The following NKAIN2 variants were observed in gnomAD, a reference collection of about 807,000 sequenced individuals.
The protein encoded by NKAIN2 is sodium/potassium-transporting ATPase subunit beta-1-interacting protein 2.
In NKAIN2, 14 loss-of-function variants were observed where a neutral mutation model predicts 32.6. That is an observed-to-expected ratio of 0.43 (90% CI 0.28 to 0.67). The LOEUF is 0.67. Ranked by LOEUF, NKAIN2 falls within the 30% of genes least tolerant of loss-of-function variation. The probability of loss-of-function intolerance (pLI) is 0.17; values close to 1 mark genes in which losing one functional copy is unlikely to be tolerated. For synonymous variants in NKAIN2, 80 were observed against 87.2 expected (o/e 0.92, Z 0.46); for missense variants, 198 against 258.3 (o/e 0.77, Z 1.60).
chr6:123,883,679 T>A (rs1453848376), intron 1 of NKAIN2, among the ~76,000 whole-genome samples: 4 of 143,564 alleles, frequency 2.8e-5, no homozygotes, highest in Admixed American at 6.9e-5. Context: ...AAAACCTCTT[T>A]AAAAAAAAAA....
chr6:124,295,831 A>G (rs1796024102), intron 2 of NKAIN2, among the ~76,000 whole-genome samples: 1 of 152,244 alleles, frequency 6.6e-6, no homozygotes, highest in Non-Finnish European at 1.5e-5. Flanking sequence ...CTTTTAACCA[A>G]CTCAACTTCC....
At chr6:124,320,953 C>T (rs1044421888) in intron 2 of NKAIN2, among the ~76,000 whole-genome samples, 3 of 152,098 alleles carry the variant, frequency 2.0e-5, no homozygotes, top group African/African-American at 4.8e-5. Flanking sequence ...GTAATTATCC[C>T]GGTGTGTCTC....
intron 3 of NKAIN2, among the ~76,000 whole-genome samples, chr6:124,578,944 G>A (rs1006496418): frequency 3.3e-5 from 5 of 152,180 alleles, no homozygotes; most frequent in Admixed American, 2.0e-4. Flanking sequence ...AAGAGTCTGT[G>A]CCTGGTATTC....
At chr6:124,139,129 C>A (rs1027305767) in intron 1 of NKAIN2, among the ~76,000 whole-genome samples, 5 of 135,082 alleles carry the variant, frequency 3.7e-5, no homozygotes, top group Admixed American at 1.6e-4. Context: ...TCGCCCAGGC[C>A]GGACTGCGGA....
intron 4 of NKAIN2, among the ~76,000 whole-genome samples, chr6:124,683,125 G>A (rs1397623086): frequency 6.6e-6 from 1 of 152,124 alleles, no homozygotes; most frequent in Non-Finnish European, 1.5e-5. Flanking sequence ...GTAAATACTT[G>A]ACAGGTGAAT....
rs982377493 is a variant in NKAIN2 at position 124,709,536 on chromosome 6, A to G, written c.474+51150A>G. ...TTCAGCTCCTGTTATTGGTCTATTCAGAGATTCAACTTCTTCCTGGTTTAG... is the reference window on the plus strand; with the variant it reads ...TTCAGCTCCTGTTATTGGTCTATTCGGAGATTCAACTTCTTCCTGGTTTAG... On this transcript the variant is annotated intron_variant, in intron 4 of 6. Transcript: ENST00000368417. Among the ~76,000 whole-genome samples, 6 of 151,100 alleles carry G rather than the reference A, an allele frequency of 4.0e-5. No individual in the cohort carries two copies. In the East Asian group the frequency reaches 9.7e-4, roughly 24 times the overall value.
chr6:123,874,968 CT>C (rs961990802), intron 1 of NKAIN2, among the ~76,000 whole-genome samples: 106 of 151,924 alleles, frequency 7.0e-4, no homozygotes, highest in African/African-American at 2.5e-3. Flanking sequence ...ATATTTTAAA[CT>C]ATATAGAGAT....
chr6:124,690,616 CT>C (rs1774209803), intron 4 of NKAIN2, among the ~76,000 whole-genome samples: 1 of 151,994 alleles, frequency 6.6e-6, no homozygotes, highest in Admixed American at 6.6e-5. Context: ...AGTTTAATGC[CT>C]CAGGATTTTT....
chr6:124,312,872 T>TA, intron 2 of NKAIN2, among the ~76,000 whole-genome samples: 1 of 152,228 alleles, frequency 6.6e-6, no homozygotes, highest in South Asian at 2.1e-4. Flanking sequence ...TCAGAAAAGT[T>TA]AAGTCAGAGA....
In NKAIN2 at chr6:124,092,221, G is replaced by T. The variant is rs747740402; in HGVS notation, c.55-190784G>T. Among the ~76,000 whole-genome samples, 24 of 151,994 alleles carry T rather than the reference G, an allele frequency of 1.6e-4. 1 individual carries two copies. Among genetic ancestry groups the T allele is most frequent in the Middle Eastern group, 3.4e-3 (1 of 294 alleles). ...TGAGAAAATATTTCGGCGTTTTTTT[G>T]TCAGGGGTTGAAGTGGCATTTAAAA... On this transcript the variant is annotated intron_variant, in intron 1 of 6. Transcript: ENST00000368417.
chr6:124,398,703 GTACGGTGT>G (rs1428724810), intron 3 of NKAIN2, among the ~76,000 whole-genome samples: 2 of 152,288 alleles, frequency 1.3e-5, no homozygotes, highest in East Asian at 3.9e-4. Flanking sequence ...CCTAAGGTGA[GTACGGTGT>G]TACAATTGGT....
intron 1 of NKAIN2, among the ~76,000 whole-genome samples, chr6:123,932,608 G>A (rs979787374): frequency 6.6e-5 from 10 of 151,518 alleles, no homozygotes; most frequent in Non-Finnish European, 1.5e-4. Flanking sequence ...TAGTAGAGAC[G>A]GGGTTTCACC....
chr6:124,038,515 T>C (rs2114803613), intron 1 of NKAIN2, among the ~76,000 whole-genome samples: 1 of 152,238 alleles, frequency 6.6e-6, no homozygotes, highest in South Asian at 2.1e-4. Context: ...GTCCGGCCTA[T>C]GTGAAAAGTT....
intron 1 of NKAIN2, among the ~76,000 whole-genome samples, chr6:124,038,220 C>T (rs1235141494): frequency 6.6e-6 from 1 of 151,926 alleles, no homozygotes; most frequent in Non-Finnish European, 1.5e-5. Flanking sequence ...GTGATATGGT[C>T]TGCAATTCAA....
intron 1 of NKAIN2, among the ~76,000 whole-genome samples, chr6:123,918,993 C>A (rs1775622755): frequency 6.6e-6 from 1 of 152,064 alleles, no homozygotes; most frequent in South Asian, 2.1e-4. Flanking sequence ...CTCTGTCTCT[C>A]TGTCTCTCTC....
chr6:124,591,141 A>G (rs750175324), intron 3 of NKAIN2, among the ~76,000 whole-genome samples: 4 of 152,238 alleles, frequency 2.6e-5, no homozygotes, highest in Non-Finnish European at 4.4e-5. Flanking sequence ...AGAGAAGTCA[A>G]GAAGTGACAA....
intron 3 of NKAIN2, among the ~76,000 whole-genome samples, chr6:124,641,009 G>A (rs1413426301): frequency 1.3e-5 from 2 of 152,126 alleles, no homozygotes; most frequent in South Asian, 4.1e-4. Flanking sequence ...GAGTTGATAT[G>A]CACTTCTTGA....
chr6:124,214,106 C>A (rs1032069368), intron 1 of NKAIN2, among the ~76,000 whole-genome samples: 2 of 152,096 alleles, frequency 1.3e-5, no homozygotes, highest in Non-Finnish European at 2.9e-5. Flanking sequence ...AACAATAAAT[C>A]AAGTTCTCAT....
At chr6:124,533,740 C>A (rs1779614191) in intron 3 of NKAIN2, among the ~76,000 whole-genome samples, 1 of 152,160 alleles carries the variant, frequency 6.6e-6, no homozygotes, top group Non-Finnish European at 1.5e-5. Flanking sequence ...GCTGCTCTAA[C>A]AAATTACTAT....
Sources: gnomAD v4.1 joint callset for allele counts (sites outside exome capture counted in the v4.1 genomes callset) on GRCh38, gnomAD v4.1.1 for gene constraint, MANE v1.5 for transcripts, NCBI Gene and HGNC (gene_info 2026-07-23, HGNC 2026-07-21) for gene names.